Variants in LRBA observed in about 807,000 individuals in gnomAD.
LRBA encodes lipopolysaccharide-responsive and beige-like anchor protein.
Under a neutral mutation model 330.0 loss-of-function variants are expected in LRBA, and 176 were observed. That is an observed-to-expected ratio of 0.53 (90% CI 0.47 to 0.60). The LOEUF (loss-of-function observed/expected upper bound fraction) is 0.60, where lower values mean the gene tolerates loss of function less well. Among genes scored for constraint, LRBA ranks in the 20% least tolerant of loss-of-function variants. The probability of loss-of-function intolerance (pLI) is 0.00; values close to 1 mark genes in which losing one functional copy is unlikely to be tolerated. For missense variants in LRBA, 3,259 were observed against 3,444.8 expected, an observed-to-expected ratio of 0.95 and a Z score of 1.35; for synonymous variants, 1,230 against 1,193.0, an observed-to-expected ratio of 1.03 and a Z score of -0.64.
intron 40 of LRBA, among the ~76,000 whole-genome samples, chr4:150,575,607 C>T (rs17589398): frequency 0.19 from 28,697 of 151,692 alleles, 3,375 homozygotes; most frequent in Non-Finnish European, 0.26. Flanking sequence ...CTCATATGAC[C>T]TGAAAGAAAT....
intron 36 of LRBA, among the ~76,000 whole-genome samples, chr4:150,717,675 G>A (rs56326943): frequency 2.3e-4 from 32 of 139,776 alleles, no homozygotes; most frequent in Admixed American, 5.1e-4. Context: ...AACAATAATA[G>A]TAATAATAAT....
chr4:150,445,377 C>CTCTCTCTCTCTCTCTATA (rs1454079183), intron 44 of LRBA, among the ~76,000 whole-genome samples: 1 of 78,606 alleles, frequency 1.3e-5, no homozygotes, highest in African/African-American at 4.5e-5. Flanking sequence ...CTCTCTCTCT[C>CTCTCTCTCTCTCTCTATA]TATATATATA....
At chr4:150,518,786 CA>C (rs1470112324) in intron 40 of LRBA, among the ~76,000 whole-genome samples, 1 of 152,158 alleles carries the variant, frequency 6.6e-6, no homozygotes, top group Non-Finnish European at 1.5e-5. Flanking sequence ...TGGAAACAAA[CA>C]CAGTCCTCTG....
At chr4:150,847,313 CTT>C (rs1202037139) in intron 26 of LRBA, among the ~76,000 whole-genome samples, 2 of 152,046 alleles carry the variant, frequency 1.3e-5, no homozygotes, top group Non-Finnish European at 2.9e-5. Context: ...TAGAATGTCT[CTT>C]AAATTTTAAA....
At chr4:150,436,290 T>C (rs1262113730) in intron 45 of LRBA, among the ~76,000 whole-genome samples, 1 of 152,196 alleles carries the variant, frequency 6.6e-6, no homozygotes, top group African/African-American at 2.4e-5. Context: ...CACCTTTCAA[T>C]TTCACAGAAA....
intron 20 of LRBA, among the ~76,000 whole-genome samples, chr4:150,870,017 A>T (rs1753237743): frequency 6.6e-6 from 1 of 152,188 alleles, no homozygotes; most frequent in African/African-American, 2.4e-5. Context: ...AACTCTACAA[A>T]CTAATAATTT....
chr4:150,960,715 T>C (rs1176855064), intron 2 of LRBA, among the ~76,000 whole-genome samples: 1 of 149,198 alleles, frequency 6.7e-6, no homozygotes, highest in Non-Finnish European at 1.5e-5. Flanking sequence ...TTTAGTTTTA[T>C]ATTTGTTTTG....
chr4:150,675,562 C>CA (rs1782455240), intron 37 of LRBA, among the ~76,000 whole-genome samples: 1 of 151,694 alleles, frequency 6.6e-6, no homozygotes, highest in Non-Finnish European at 1.5e-5. Flanking sequence ...ACTACAAATA[C>CA]AAAAAATCAG....
chr4:150,914,651 T>C (rs1430864884), intron 8 of LRBA, among the ~76,000 whole-genome samples: 1 of 152,160 alleles, frequency 6.6e-6, no homozygotes, highest in East Asian at 1.9e-4. Context: ...AAATGAAGAT[T>C]ATAATAATGC....
chr4:150,720,346 AT>A (rs1292887021), intron 36 of LRBA, among the ~76,000 whole-genome samples: 2 of 152,146 alleles, frequency 1.3e-5, no homozygotes, highest in Non-Finnish European at 2.9e-5. Flanking sequence ...ATTCATGATT[AT>A]TTTTTCTAAT....
chr4:150,826,761 A>G (rs1349194244), intron 30 of LRBA, among the ~76,000 whole-genome samples: 1 of 152,164 alleles, frequency 6.6e-6, no homozygotes, highest in Non-Finnish European at 1.5e-5. Context: ...GGAGGTCACA[A>G]GGACCTTTAT....
intron 55 of LRBA, among the ~76,000 whole-genome samples, chr4:150,278,320 G>A (rs1398115718): frequency 6.6e-6 from 1 of 152,116 alleles, no homozygotes; most frequent in African/African-American, 2.4e-5. Context: ...AGAAGCCCTG[G>A]CATCTCTTCA....
At chr4:150,515,702 C>T (rs1349007040) in intron 40 of LRBA, among the ~76,000 whole-genome samples, 1 of 151,866 alleles carries the variant, frequency 6.6e-6, no homozygotes, top group African/African-American at 2.4e-5. Flanking sequence ...CAAAGTACTC[C>T]AAATGATTAA....
At chr4:150,428,462 T>C (rs1348276483) in intron 46 of LRBA, among the ~76,000 whole-genome samples, 1 of 152,040 alleles carries the variant, frequency 6.6e-6, no homozygotes, top group African/African-American at 2.4e-5. Flanking sequence ...TCCTAAAAAA[T>C]GAGATGTTAG....
intron 35 of LRBA, among the ~76,000 whole-genome samples, chr4:150,739,274 C>T (rs536752829): frequency 6.6e-6 from 1 of 152,088 alleles, no homozygotes; most frequent in South Asian, 2.1e-4. Flanking sequence ...ATTTTTTAAC[C>T]TGACCTGACT....
intron 37 of LRBA, among the ~76,000 whole-genome samples, chr4:150,599,664 C>G (rs890286758): frequency 3.9e-5 from 6 of 152,142 alleles, no homozygotes; most frequent in African/African-American, 1.2e-4. Flanking sequence ...TAATGAATAT[C>G]TCAGTTACAT....
chr4:150,584,147 G>A (rs1234706897), intron 40 of LRBA: 4 of 1,501,576 alleles, frequency 2.7e-6, no homozygotes, highest in Non-Finnish European at 2.7e-6. Context: ...ACAAACGGGC[G>A]TGCTCTCTCA....
intron 17 of LRBA, among the ~76,000 whole-genome samples, chr4:150,877,251 C>T (rs1170508720): frequency 1.4e-5 from 2 of 145,760 alleles, no homozygotes; most frequent in Non-Finnish European, 3.0e-5. Context: ...GAGCAAGACT[C>T]CGTATCAAAA....
intron 34 of LRBA, among the ~76,000 whole-genome samples, chr4:150,793,346 A>G (rs1440410640): frequency 6.6e-6 from 1 of 152,090 alleles, no homozygotes; most frequent in Non-Finnish European, 1.5e-5. Flanking sequence ...AAAATGAAAA[A>G]CCAAAGGCCC....
Sources: allele counts gnomAD v4.1 joint callset (sites outside exome capture counted in the v4.1 genomes callset), GRCh38; gene constraint gnomAD v4.1.1; transcripts MANE v1.5; gene names NCBI Gene and HGNC (gene_info 2026-07-23, HGNC 2026-07-21).